AUH: variants seen among roughly 807,000 people sequenced by gnomAD.
The protein encoded by AUH is AU RNA binding methylglutaconyl-CoA hydratase.
A neutral mutation model predicts 42.3 loss-of-function variants in AUH; 29 were observed. That is an observed-to-expected ratio of 0.69 (90% confidence interval 0.51 to 0.93). The LOEUF is 0.93. Ranked by LOEUF, AUH falls within the 40% of genes least tolerant of loss-of-function variation. The pLI, the probability that AUH is intolerant of heterozygous loss-of-function variation, is 0.00. For synonymous variants in AUH, 174 were observed against 166.4 expected (o/e 1.05, Z -0.35); for missense variants, 452 against 438.1 (o/e 1.03, Z -0.28).
intron 3 of AUH, among the ~76,000 whole-genome samples, chr9:91,337,876 G>A (rs948516168): frequency 6.6e-6 from 1 of 152,162 alleles, no homozygotes; most frequent in African/African-American, 2.4e-5. Context: ...AAAGTTTCTA[G>A]GTAATGTCTG....
chr9:91,304,144 T>C (rs1351553749), intron 4 of AUH, among the ~76,000 whole-genome samples: 2 of 152,200 alleles, frequency 1.3e-5, no homozygotes, highest in South Asian at 2.1e-4. Flanking sequence ...CAAGTTGTTG[T>C]GAAGAAAAAC....
At chr9:91,338,425 G>A (rs1830848029) in intron 3 of AUH, among the ~76,000 whole-genome samples, 1 of 152,162 alleles carries the variant, frequency 6.6e-6, no homozygotes, top group Non-Finnish European at 1.5e-5. Flanking sequence ...TGATTTCTAG[G>A]AGGTACTTTT....
At chr9:91,217,363 T>A in intron 7 of AUH, 36 bp from the exon 8 acceptor site, 1 of 1,589,958 alleles carries the variant, frequency 6.3e-7, no homozygotes, top group Admixed American at 1.7e-5. Context: ...CTTCAATTAT[T>A]TTTTATGCAA....
intron 7 of AUH, chr9:91,218,764 T>G (rs978724261): frequency 1.0e-6 from 1 of 984,766 alleles, no homozygotes; most frequent in Non-Finnish European, 1.2e-6. Flanking sequence ...AGATATCACC[T>G]AGAAATACTG....
intron 6 of AUH, among the ~76,000 whole-genome samples, chr9:91,279,535 G>C (rs1825806429): frequency 6.6e-6 from 1 of 152,142 alleles, no homozygotes; most frequent in African/African-American, 2.4e-5. Context: ...TTACAATCAT[G>C]GCAGAAGGCA....
intron 6 of AUH, among the ~76,000 whole-genome samples, chr9:91,228,075 G>A (rs1387221899): frequency 2.0e-5 from 3 of 152,214 alleles, no homozygotes. Flanking sequence ...CAGAAAATGA[G>A]TTAGGGAGGA....
chr9:91,359,369 G>C (rs1490139212), intron 1 of AUH, among the ~76,000 whole-genome samples: 2 of 152,104 alleles, frequency 1.3e-5, no homozygotes, highest in African/African-American at 4.8e-5. Flanking sequence ...TACAGAAATA[G>C]AGTTGTATAT....
At chr9:91,297,268 G>A (rs150234032) in intron 5 of AUH, among the ~76,000 whole-genome samples, 1 of 152,312 alleles carries the variant, frequency 6.6e-6, no homozygotes, top group Non-Finnish European at 1.5e-5. Flanking sequence ...TTGTTATGCA[G>A]ATGGAGTGAG....
chr9:91,294,584 GC>G (rs1827168266), intron 6 of AUH: 1 of 402,374 alleles, frequency 2.5e-6, no homozygotes, highest in Non-Finnish European at 4.9e-6. Context: ...ATTTCATAAG[GC>G]TATAGCTGCC....
chr9:91,360,902 A>C (rs1230366149), intron 1 of AUH, among the ~76,000 whole-genome samples: 5 of 152,196 alleles, frequency 3.3e-5, no homozygotes, highest in African/African-American at 9.7e-5. Context: ...CGACCCTTTT[A>C]GCTTTTCCCT....
chr9:91,227,662 C>A (rs879306912), intron 6 of AUH, among the ~76,000 whole-genome samples: 2 of 142,270 alleles, frequency 1.4e-5, no homozygotes, highest in Non-Finnish European at 3.1e-5. Flanking sequence ...CAGTTTTTGC[C>A]CATTCAGTAT....
Position 91,220,634 on chromosome 9 carries a change from G to C in AUH, c.843+171C>G, listed in dbSNP as rs557627808. On this transcript the variant is annotated intron_variant, in intron 7 of 9. Transcript: ENST00000375731. ...TTCAAAGCGTCATCAGAATTCCACA[G>C]GATCATAGTGTTTATCTTGTGTAAC... Among the ~76,000 whole-genome samples the C allele has an allele frequency of 6.6e-5, 10 of 152,320 alleles. No individual in the cohort carries two copies. In the East Asian group the frequency reaches 1.9e-3, roughly 29 times the overall value.
At chr9:91,239,032 A>G (rs748042910) in intron 6 of AUH, among the ~76,000 whole-genome samples, 12 of 152,250 alleles carry the variant, frequency 7.9e-5, no homozygotes, top group Admixed American at 3.9e-4. Flanking sequence ...AATCTAAAGC[A>G]AGCTTTGACA....
At chr9:91,245,113 C>T (rs563151287) in intron 6 of AUH, among the ~76,000 whole-genome samples, 3 of 152,140 alleles carry the variant, frequency 2.0e-5, no homozygotes, top group East Asian at 1.9e-4. Flanking sequence ...AAAAAAGCAA[C>T]GAGAGAGGAA....
intron 6 of AUH, among the ~76,000 whole-genome samples, chr9:91,249,120 A>C (rs1828963496): frequency 6.6e-6 from 1 of 151,914 alleles, no homozygotes; most frequent in Non-Finnish European, 1.5e-5. Flanking sequence ...AACATGGCAC[A>C]ACCCTGTCTC....
intron 6 of AUH, among the ~76,000 whole-genome samples, chr9:91,269,488 T>A (rs1053925802): frequency 7.2e-5 from 11 of 152,262 alleles, no homozygotes; most frequent in Non-Finnish European, 1.5e-4. Context: ...ATACTTAGAT[T>A]GAAAGATAAA....
Position 91,357,603 on chromosome 9 carries a change from G to C in AUH, c.263-1448C>G. The C allele has an allele frequency of 4.5e-6, 3 of 673,082 alleles. No homozygotes were observed. The South Asian group carries it at 2.0e-4, about 45-fold the overall frequency. The allele number at this position is 673,082 out of a possible 1,614,324, so 41.7% of individuals were successfully genotyped here. ...ATCCATTCAAACTGCTTTACAAGCT[G>C]TAAGTGGTGCTACAGTAACTTGTAA... On this transcript the variant is annotated intron_variant, in intron 1 of 9. Transcript: ENST00000375731.
At chr9:91,269,114 C>T (rs1023347953) in intron 6 of AUH, among the ~76,000 whole-genome samples, 2 of 151,786 alleles carry the variant, frequency 1.3e-5, no homozygotes, top group Non-Finnish European at 1.5e-5. Context: ...CTGAGGAGCT[C>T]GGACTACAGG....
chr9:91,298,144 A>G (rs1193209853), intron 4 of AUH, 68 bp from the exon 5 acceptor site: 2 of 1,300,062 alleles, frequency 1.5e-6, no homozygotes, highest in Non-Finnish European at 2.2e-6. Context: ...TTCATTTTTA[A>G]TTTTTTTCTG....
Sources: gnomAD v4.1 joint callset for allele counts (sites outside exome capture counted in the v4.1 genomes callset) on GRCh38, gnomAD v4.1.1 for gene constraint, MANE v1.5 for transcripts, NCBI Gene and HGNC (gene_info 2026-07-23, HGNC 2026-07-21) for gene names.